The following UBR1 variants were observed in gnomAD, a reference collection of about 807,000 sequenced individuals.
UBR1 encodes ubiquitin protein ligase E3 component n-recognin 1, also known as E3 ubiquitin-protein ligase UBR1.
Under a neutral mutation model 242.1 loss-of-function variants are expected in UBR1, and 102 were observed. That is an observed-to-expected ratio of 0.42 (90% CI 0.36 to 0.50). The LOEUF (loss-of-function observed/expected upper bound fraction) is 0.50. Among genes scored for constraint, UBR1 ranks in the 20% least tolerant of loss-of-function variants. The pLI is 0.01. For synonymous variants in UBR1, 675 were observed against 684.8 expected (o/e 0.99, Z 0.22); for missense variants, 1,772 against 2,101.8 (o/e 0.84, Z 3.07).
intron 46 of UBR1, among the ~76,000 whole-genome samples, chr15:42,947,120 G>C (rs1374658039): frequency 2.6e-5 from 4 of 152,114 alleles, no homozygotes; most frequent in African/African-American, 7.2e-5. Flanking sequence ...CTGGGTGACA[G>C]AGTGAGAGAC....
intron 27 of UBR1, among the ~76,000 whole-genome samples, chr15:43,020,359 C>A (rs2033093338): frequency 6.6e-6 from 1 of 152,140 alleles, no homozygotes; most frequent in Non-Finnish European, 1.5e-5. Context: ...GATTTATTTC[C>A]TTCATCTCTC....
chr15:43,105,947 C>T lies in UBR1; in HGVS notation c.76G>A (p.Ala26Thr), dbSNP rs911475352. ...ACTTGCCTATAGGGACTTACAGATG[C>T]CAGACGCTGAGGGGTCTGGGGTAAC... ...AELPQTPQRL[A>T]SWWDQQVDFY... is the part of the protein sequence containing the mutation. The change falls in exon 1 of 47, where the codon GCA (alanine) becomes ACA (threonine). Residue 26 changes from alanine to threonine, a missense_variant. Coordinates refer to ENST00000290650, the MANE Select transcript of UBR1 (RefSeq NM_174916.3). 2.5e-6 allele frequency: 4 copies of T among 1,613,944 alleles called. No individual in the cohort carries two copies. The highest frequency in any genetic ancestry group is 3.4e-6 in the Non-Finnish European group (4 of 1,179,956).
intron 33 of UBR1, among the ~76,000 whole-genome samples, chr15:42,990,485 T>C (rs555422713): frequency 5.3e-5 from 8 of 152,356 alleles, no homozygotes; most frequent in Non-Finnish European, 1.0e-4. Flanking sequence ...TCTAGCTTTT[T>C]AATACTATAC....
At chr15:42,990,924 A>T (rs2032547806) in intron 33 of UBR1, among the ~76,000 whole-genome samples, 1 of 151,876 alleles carries the variant, frequency 6.6e-6, no homozygotes, top group African/African-American at 2.4e-5. Context: ...CCGACATGAA[A>T]TGGGTTGTTT....
chr15:42,988,296 C>A (rs762578095), intron 35 of UBR1, among the ~76,000 whole-genome samples: 1 of 144,662 alleles, frequency 6.9e-6, no homozygotes, highest in East Asian at 2.0e-4. Context: ...TGTGTGTGAA[C>A]ACACACACAC....
chr15:43,009,283 C>T lies in UBR1; in HGVS notation c.3210-1999G>A, dbSNP rs890067790. On this transcript the variant is annotated intron_variant, in intron 29 of 46. Coordinates refer to ENST00000290650, the MANE Select transcript of UBR1 (RefSeq NM_174916.3). ...CTTGTCCAGACAAGAGTCCCTGCAGCGGAACCTGCTGGTGCATATGATCCA... is the reference window on the plus strand; with the variant it reads ...CTTGTCCAGACAAGAGTCCCTGCAGTGGAACCTGCTGGTGCATATGATCCA... 6.6e-5 allele frequency among the ~76,000 whole-genome samples: 10 copies of T among 152,244 alleles called. No individual in the cohort carries two copies. In the East Asian group the frequency reaches 7.7e-4, roughly 12 times the overall value.
intron 1 of UBR1, among the ~76,000 whole-genome samples, chr15:43,100,966 T>C (rs987386005): frequency 1.3e-5 from 2 of 152,196 alleles, no homozygotes; most frequent in East Asian, 1.9e-4. Flanking sequence ...ATTGTAATAA[T>C]TGAAATGGGA....
chr15:42,978,568 A>G (rs2032324082), intron 37 of UBR1, among the ~76,000 whole-genome samples: 1 of 152,174 alleles, frequency 6.6e-6, no homozygotes, highest in African/African-American at 2.4e-5. Context: ...TCAGGACAAG[A>G]GGAATGGTTT....
At chr15:43,096,627 T>C (rs1019373375) in intron 1 of UBR1, among the ~76,000 whole-genome samples, 4 of 152,222 alleles carry the variant, frequency 2.6e-5, no homozygotes, top group Non-Finnish European at 1.5e-5. Context: ...ACTATGTTTA[T>C]GGAATATTCT....
chr15:43,013,095 G>A (rs1325979679), intron 29 of UBR1, among the ~76,000 whole-genome samples: 1 of 152,124 alleles, frequency 6.6e-6, no homozygotes, highest in Middle Eastern at 3.2e-3. Context: ...TAGTAGAGAC[G>A]GGGTTTTGCC....
rs1306532232 is a variant in UBR1, at chr15:43,070,929, T to C, written c.529-4A>G. ...CATTCAACGGACAGCGTGAATTCTA[T>C]AAAAAAGCCGAGAAAAACATACTAG... On this transcript the variant is annotated splice_region_variant and splice_polypyrimidine_tract_variant and intron_variant, in intron 4 of 46. Coordinates refer to ENST00000290650, the MANE Select transcript of UBR1 (RefSeq NM_174916.3). The C allele has an allele frequency of 6.2e-7, 1 of 1,612,626 alleles. No individual in the cohort carries two copies. Among genetic ancestry groups the C allele is most frequent in the Admixed American group, 1.7e-5 (1 of 60,000 alleles).
intron 33 of UBR1, among the ~76,000 whole-genome samples, chr15:42,994,477 A>T (rs557410040): frequency 2.3e-4 from 35 of 152,196 alleles, no homozygotes; most frequent in African/African-American, 7.7e-4. Context: ...TACTAAATCA[A>T]GCTTAATTTT....
rs767865080 is a variant in UBR1, at chr15:42,950,247, T to TA, written c.5108+14dup. The TA allele has an allele frequency of 2.5e-5, 40 of 1,606,264 alleles. No individual in the cohort carries two copies. Among genetic ancestry groups the TA allele is most frequent in the East Asian group, 4.5e-5 (2 of 44,824 alleles). On this transcript the variant is annotated intron_variant, in intron 46 of 46. Transcript: ENST00000290650. ...AACTTACTGAAACCTTCCTATTATA[T>TA]AAAAAAAATCTTACTTCAGGCCAGG...
At chr15:43,047,659 A>T (rs1486060765) in intron 13 of UBR1, among the ~76,000 whole-genome samples, 4 of 152,228 alleles carry the variant, frequency 2.6e-5, no homozygotes, top group African/African-American at 9.6e-5. Context: ...ATGAATTAAG[A>T]GTATTTAGGA....
intron 3 of UBR1, among the ~76,000 whole-genome samples, chr15:43,077,769 A>G (rs544374168): frequency 6.6e-6 from 1 of 152,216 alleles, no homozygotes; most frequent in Admixed American, 6.5e-5. Flanking sequence ...ATCCCATAGC[A>G]ACTAAAACTT....
chr15:43,081,417 C>CAAAAAAAAAAAA (rs71108197), intron 3 of UBR1, among the ~76,000 whole-genome samples: 1 of 69,708 alleles, frequency 1.4e-5, no homozygotes, highest in African/African-American at 5.7e-5. Flanking sequence ...CACCCCATCT[C>CAAAAAAAAAAAA]AAAAAAAAAA....
intron 37 of UBR1, among the ~76,000 whole-genome samples, chr15:42,982,863 G>A (rs2032398495): frequency 6.6e-6 from 1 of 152,190 alleles, no homozygotes; most frequent in Non-Finnish European, 1.5e-5. Context: ...CCCTACTCGT[G>A]ACATTTGGGA....
intron 22 of UBR1, among the ~76,000 whole-genome samples, 163 bp from the exon 23 acceptor site, chr15:43,026,826 A>G (rs536009187): frequency 1.2e-4 from 19 of 152,300 alleles, no homozygotes; most frequent in African/African-American, 3.8e-4. Flanking sequence ...CTAAAAACCT[A>G]CATTGTGAAC....
intron 46 of UBR1, 47 bp from the exon 47 acceptor site, chr15:42,945,517 C>A (rs1433034546): frequency 6.2e-7 from 1 of 1,606,966 alleles, no homozygotes; most frequent in Admixed American, 1.7e-5. Flanking sequence ...AATCTAGTAA[C>A]TGCCACATCT....
Sources: gnomAD v4.1 joint callset for allele counts (sites outside exome capture counted in the v4.1 genomes callset) on GRCh38, gnomAD v4.1.1 for gene constraint, MANE v1.5 for transcripts, NCBI Gene and HGNC (gene_info 2026-07-23, HGNC 2026-07-21) for gene names.